PTPRM: variants seen among roughly 807,000 people sequenced by gnomAD.
The protein encoded by PTPRM is protein tyrosine phosphatase receptor type M, also known as receptor-type tyrosine-protein phosphatase mu.
Under a neutral mutation model 186.7 loss-of-function variants are expected in PTPRM, and 47 were observed. The ratio of observed to expected loss-of-function variants is 0.25; its 90% CI spans 0.20 to 0.32. The LOEUF (loss-of-function observed/expected upper bound fraction) is 0.32, where lower values mean the gene tolerates loss of function less well. Ranked by LOEUF, PTPRM falls within the 10% of genes least tolerant of loss-of-function variation. PTPRM has a pLI of 1.00. For synonymous variants in PTPRM, 668 were observed against 674.9 expected, an observed-to-expected ratio of 0.99 and a Z score of 0.16; for missense variants, 1,494 against 1,865.0, an observed-to-expected ratio of 0.80 and a Z score of 3.66.
At chr18:8,015,238 A>C (rs1022796757) in intron 7 of PTPRM, among the ~76,000 whole-genome samples, 1 of 152,226 alleles carries the variant, frequency 6.6e-6, no homozygotes, top group African/African-American at 2.4e-5. Context: ...ATTGCTCCAC[A>C]TGCTACAGTG....
In PTPRM at chr18:7,596,376, C is replaced by T. The variant is rs192719092; in HGVS notation, c.73+28485C>T. The stretch of plus-strand genomic sequence containing the variant: ...TGAATCGTTTACTTCTGGAATTTTC[C>T]ATTTATGTCACAATGCCTTGTCTTT... On this transcript the variant is annotated intron_variant, in intron 1 of 32. Coordinates refer to ENST00000580170, the MANE Select transcript of PTPRM (RefSeq NM_001105244.2). Among the ~76,000 whole-genome samples the T allele has an allele frequency of 6.5e-3, 992 of 152,250 alleles. 3 individuals carry two copies. Among genetic ancestry groups the T allele is most frequent in the Non-Finnish European group, 9.4e-3 (641 of 68,012 alleles).
chr18:7,665,418 T>C (rs573059063), intron 1 of PTPRM, among the ~76,000 whole-genome samples: 2 of 152,308 alleles, frequency 1.3e-5, no homozygotes, highest in South Asian at 2.1e-4. Flanking sequence ...TACATAGATA[T>C]ATGCATTTTA....
chr18:8,296,817 G>T (rs893295950), intron 20 of PTPRM, among the ~76,000 whole-genome samples: 1 of 152,188 alleles, frequency 6.6e-6, no homozygotes, highest in Non-Finnish European at 1.5e-5. Flanking sequence ...AATGCAAAGA[G>T]CTCAGAGTTC....
rs116860331 is a variant in PTPRM, at chr18:7,744,967, A to G, written c.74-29182A>G. On this transcript the variant is annotated intron_variant, in intron 1 of 32. Transcript: ENST00000580170. Reference sequence around the variant, plus strand: ...TCTGAGTCTTTCTATCACTTATGTTATAGAAAGGATGAAATCAAAGGAATA... The same window carrying G: ...TCTGAGTCTTTCTATCACTTATGTTGTAGAAAGGATGAAATCAAAGGAATA... Among the ~76,000 whole-genome samples the G allele has an allele frequency of 2.9e-3, 441 of 152,286 alleles. 5 individuals are homozygous for G. The highest frequency in any genetic ancestry group is 0.01 in the Middle Eastern group (3 of 294).
At chr18:8,160,181 A>T (rs1372463159) in intron 14 of PTPRM, among the ~76,000 whole-genome samples, 1 of 152,206 alleles carries the variant, frequency 6.6e-6, no homozygotes, top group Non-Finnish European at 1.5e-5. Flanking sequence ...TATAACCAAC[A>T]TCAATTGAGA....
intron 2 of PTPRM, among the ~76,000 whole-genome samples, chr18:7,833,097 T>C (rs1342706619): frequency 1.3e-5 from 2 of 152,198 alleles, no homozygotes; most frequent in Non-Finnish European, 2.9e-5. Context: ...GCTTTGACTA[T>C]TCTGGGTCTT....
chr18:7,746,085 A>G (rs775376505), intron 1 of PTPRM, among the ~76,000 whole-genome samples: 2 of 152,220 alleles, frequency 1.3e-5, no homozygotes, highest in African/African-American at 2.4e-5. Context: ...GTCTGAAGAG[A>G]TGATCCTTGA....
At chr18:8,196,832 G>T (rs979460327) in intron 14 of PTPRM, among the ~76,000 whole-genome samples, 1 of 152,154 alleles carries the variant, frequency 6.6e-6, no homozygotes, top group African/African-American at 2.4e-5. Context: ...TCACCTCAGG[G>T]CAGTTTGCTA....
At chr18:8,074,500 G>A (rs1057100707) in intron 8 of PTPRM, among the ~76,000 whole-genome samples, 40 of 152,094 alleles carry the variant, frequency 2.6e-4, no homozygotes, top group African/African-American at 8.7e-4. Flanking sequence ...TCAAAGTAGC[G>A]GCATGACTTT....
intron 1 of PTPRM, chr18:7,747,560 G>A (rs1197275361): frequency 1.3e-5 from 2 of 152,370 alleles, no homozygotes; most frequent in South Asian, 2.1e-4. Context: ...CCTCTGTCCT[G>A]GCTCCTGGTG....
At chr18:8,352,658 T>TGTTTG (rs201101536) in intron 23 of PTPRM, among the ~76,000 whole-genome samples, 8 of 127,438 alleles carry the variant, frequency 6.3e-5, no homozygotes, top group Admixed American at 3.1e-4. Flanking sequence ...GTTTGGTTTT[T>TGTTTG]TTTGTTTGTT....
intron 2 of PTPRM, among the ~76,000 whole-genome samples, chr18:7,835,294 G>T (rs2045988524): frequency 6.8e-6 from 1 of 147,752 alleles, no homozygotes; most frequent in Non-Finnish European, 1.5e-5. Flanking sequence ...ATTGTCATTT[G>T]TTTCAATAAA....
intron 1 of PTPRM, among the ~76,000 whole-genome samples, chr18:7,757,418 A>G (rs73393525): frequency 0.16 from 24,928 of 152,128 alleles, 4,665 homozygotes; most frequent in African/African-American, 0.46. Context: ...AATACTTTTG[A>G]GTGTTCTCTA....
At position 8,089,508 on chromosome 18, in the gene PTPRM, C is replaced by G. The variant is rs552307722; in HGVS notation, c.1856+657C>G. On this transcript the variant is annotated intron_variant, in intron 11 of 32. Coordinates refer to ENST00000580170, the MANE Select transcript of PTPRM (RefSeq NM_001105244.2). ...CAGAGCAAAGGATGCCTGAATAGCT[C>G]TGGAGTATCAACTTGTCATAAACTC... Among the ~76,000 whole-genome samples, 4 of 152,208 alleles carry G rather than the reference C, an allele frequency of 2.6e-5. No individual in the cohort carries two copies. In the East Asian group the frequency reaches 7.7e-4, roughly 29 times the overall value.
chr18:8,026,203 AC>A, intron 7 of PTPRM, among the ~76,000 whole-genome samples: 1 of 152,210 alleles, frequency 6.6e-6, no homozygotes, highest in Non-Finnish European at 1.5e-5. Context: ...AGTTCATAAG[AC>A]TTTTATGCCT....
At chr18:7,966,694 C>T (rs576188559) in intron 7 of PTPRM, among the ~76,000 whole-genome samples, 1 of 147,506 alleles carries the variant, frequency 6.8e-6, no homozygotes, top group African/African-American at 2.5e-5. Flanking sequence ...AAAGGGGTGA[C>T]GGGCGCACCT....
intron 23 of PTPRM, among the ~76,000 whole-genome samples, chr18:8,350,900 G>A (rs573493348): frequency 1.7e-4 from 25 of 146,290 alleles, no homozygotes; most frequent in African/African-American, 6.2e-4. Flanking sequence ...GAAAACCCCT[G>A]CCAGTTTGGA....
rs567603537 is a variant in PTPRM at position 7,572,223 on chromosome 18, GA to G, written c.73+4334del. Among the ~76,000 whole-genome samples, 726 of 152,228 alleles carry G rather than the reference GA, an allele frequency of 4.8e-3. 3 individuals are homozygous for G. The highest frequency in any genetic ancestry group is 7.9e-3 in the Non-Finnish European group (534 of 67,986). The stretch of plus-strand genomic sequence containing the variant: ...GTTATTTTTACAGATTTTAAGAAAA[GA>G]ATCTATTGACATGTAGTGATATATG... On this transcript the variant is annotated intron_variant, in intron 1 of 32. Transcript: ENST00000580170.
intron 14 of PTPRM, among the ~76,000 whole-genome samples, chr18:8,193,107 A>G (rs1601129281): frequency 6.6e-6 from 1 of 152,216 alleles, no homozygotes; most frequent in East Asian, 1.9e-4. Context: ...TCCATGCTGA[A>G]GTCATATTTA....
Sources: allele counts gnomAD v4.1 joint callset (sites outside exome capture counted in the v4.1 genomes callset), GRCh38; gene constraint gnomAD v4.1.1; transcripts MANE v1.5; gene names NCBI Gene and HGNC (gene_info 2026-07-23, HGNC 2026-07-21).